The following LRMDA variants were observed in gnomAD, a reference collection of about 807,000 sequenced individuals.
LRMDA encodes the protein leucine-rich melanocyte differentiation-associated protein.
LRMDA carries 18 observed loss-of-function variants against 29.8 expected under a neutral mutation model. The observed-to-expected ratio is 0.60, with a 90% confidence interval of 0.42 to 0.90. The LOEUF (loss-of-function observed/expected upper bound fraction) is 0.90, where lower values mean the gene tolerates loss of function less well. Ranked by LOEUF, LRMDA falls within the 40% of genes least tolerant of loss-of-function variation. LRMDA has a pLI of 0.00. For synonymous variants in LRMDA, 125 were observed against 109.4 expected (o/e 1.14, Z -0.89); for missense variants, 273 against 273.9 (o/e 1.00, Z 0.02).
At chr10:76,410,859 T>C (rs1296108571) in intron 6 of LRMDA, among the ~76,000 whole-genome samples, 1 of 152,024 alleles carries the variant, frequency 6.6e-6, no homozygotes, top group African/African-American at 2.4e-5. Flanking sequence ...GGTAGGATAA[T>C]TGCTTGAACC....
At chr10:75,918,210 G>A (rs1193837246) in intron 2 of LRMDA, among the ~76,000 whole-genome samples, 2 of 152,196 alleles carry the variant, frequency 1.3e-5, no homozygotes, top group African/African-American at 4.8e-5. Flanking sequence ...CAGTCTAGCC[G>A]TAGAACAGTG....
chr10:75,682,689 TG>T (rs1842038917), intron 2 of LRMDA, among the ~76,000 whole-genome samples: 1 of 152,200 alleles, frequency 6.6e-6, no homozygotes, highest in Non-Finnish European at 1.5e-5. Context: ...GAACCTTATG[TG>T]TCCAGTTGCA....
At chr10:75,891,706 G>T (rs1845495133) in intron 2 of LRMDA, among the ~76,000 whole-genome samples, 1 of 152,170 alleles carries the variant, frequency 6.6e-6, no homozygotes, top group African/African-American at 2.4e-5. Context: ...ATTGCCATGG[G>T]GGTAGTGGGA....
intron 2 of LRMDA, among the ~76,000 whole-genome samples, chr10:75,611,724 C>T (rs1291884607): frequency 6.6e-6 from 1 of 152,194 alleles, no homozygotes; most frequent in Non-Finnish European, 1.5e-5. Context: ...GAAATGTGCT[C>T]CCCTTCTCTG....
At chr10:76,479,062 A>ATG (rs781044433) in intron 6 of LRMDA, among the ~76,000 whole-genome samples, 126 of 151,546 alleles carry the variant, frequency 8.3e-4, no homozygotes, top group Non-Finnish European at 1.4e-3. Flanking sequence ...ATATATATAT[A>ATG]AATAAAAAAA....
At chr10:75,461,484 C>T (rs1233861673) in intron 2 of LRMDA, among the ~76,000 whole-genome samples, 1 of 152,152 alleles carries the variant, frequency 6.6e-6, no homozygotes, top group Non-Finnish European at 1.5e-5. Flanking sequence ...CTGCCTGCTT[C>T]TGCTGTTTTC....
intron 2 of LRMDA, among the ~76,000 whole-genome samples, chr10:75,588,767 G>C: frequency 6.6e-6 from 1 of 151,898 alleles, no homozygotes; most frequent in East Asian, 1.9e-4. Context: ...ACTATTACTA[G>C]TTTCTTTTGT....
At chr10:75,812,965 A>G (rs1176192308) in intron 2 of LRMDA, among the ~76,000 whole-genome samples, 1 of 152,174 alleles carries the variant, frequency 6.6e-6, no homozygotes, top group Non-Finnish European at 1.5e-5. Flanking sequence ...TGGACAAGAA[A>G]TGTTTGGGGT....
intron 2 of LRMDA, among the ~76,000 whole-genome samples, chr10:75,646,430 A>T (rs1841522288): frequency 6.6e-6 from 1 of 152,152 alleles, no homozygotes; most frequent in East Asian, 1.9e-4. Flanking sequence ...GCCTTCTATA[A>T]TATCACTTTG....
chr10:76,397,462 A>G (rs1222398065), intron 6 of LRMDA, among the ~76,000 whole-genome samples: 1 of 152,222 alleles, frequency 6.6e-6, no homozygotes, highest in East Asian at 1.9e-4. Flanking sequence ...TTTGTGGGGG[A>G]AAAAGATGAA....
chr10:75,644,314 A>G (rs1190217153), intron 2 of LRMDA, among the ~76,000 whole-genome samples: 1 of 152,154 alleles, frequency 6.6e-6, no homozygotes, highest in Non-Finnish European at 1.5e-5. Flanking sequence ...ACAATTAAGG[A>G]GGGAAGGGGT....
chr10:75,830,098 C>T (rs1396939172), intron 2 of LRMDA, among the ~76,000 whole-genome samples: 1 of 152,064 alleles, frequency 6.6e-6, no homozygotes, highest in Non-Finnish European at 1.5e-5. Flanking sequence ...CACTTACCTG[C>T]TTATGAGCAT....
intron 6 of LRMDA, among the ~76,000 whole-genome samples, chr10:76,451,994 CA>C (rs879530128): frequency 2.0e-5 from 3 of 152,118 alleles, no homozygotes; most frequent in Admixed American, 1.3e-4. Flanking sequence ...TTATTTTCTT[CA>C]AAGGAATGAC....
chr10:75,959,721 A>G (rs981301561), intron 2 of LRMDA, among the ~76,000 whole-genome samples: 1 of 152,160 alleles, frequency 6.6e-6, no homozygotes, highest in Non-Finnish European at 1.5e-5. Flanking sequence ...TATATCACAT[A>G]TATGTATATA....
intron 2 of LRMDA, among the ~76,000 whole-genome samples, chr10:75,519,187 G>T (rs1845328206): frequency 6.6e-6 from 1 of 152,170 alleles, no homozygotes; most frequent in African/African-American, 2.4e-5. Context: ...CTGTTGATTT[G>T]GGGTGTAGAG....
intron 2 of LRMDA, among the ~76,000 whole-genome samples, chr10:75,544,022 A>G (rs573076290): frequency 6.6e-6 from 1 of 152,304 alleles, no homozygotes; most frequent in East Asian, 1.9e-4. Flanking sequence ...GTTTCACACC[A>G]AGAACCAACT....
chr10:76,002,920 C>T (rs1214567035), intron 2 of LRMDA, among the ~76,000 whole-genome samples: 1 of 152,204 alleles, frequency 6.6e-6, no homozygotes, highest in Non-Finnish European at 1.5e-5. Flanking sequence ...GTTGGGAAGA[C>T]TCAGCTTGAG....
At chr10:76,371,887 G>A (rs185562166) in intron 6 of LRMDA, among the ~76,000 whole-genome samples, 150 of 152,098 alleles carry the variant, frequency 9.9e-4, no homozygotes, top group Admixed American at 3.5e-3. Flanking sequence ...CCTCTTTTTT[G>A]TGGGTGATTC....
intron 2 of LRMDA, among the ~76,000 whole-genome samples, chr10:75,502,580 G>A (rs547448363): frequency 7.2e-5 from 11 of 152,166 alleles, no homozygotes; most frequent in East Asian, 1.9e-4. Flanking sequence ...GGAATGACTC[G>A]TGTCAGGTTC....
Sources: gnomAD v4.1 joint callset for allele counts (sites outside exome capture counted in the v4.1 genomes callset) on GRCh38, gnomAD v4.1.1 for gene constraint, MANE v1.5 for transcripts, NCBI Gene and HGNC (gene_info 2026-07-23, HGNC 2026-07-21) for gene names.